The following APC variants were observed in gnomAD, a reference collection of about 807,000 sequenced individuals.
APC encodes APC regulator of Wnt signaling pathway.
A neutral mutation model predicts 247.0 loss-of-function variants in APC; 72 were observed. The observed-to-expected ratio is 0.29, with a 90% CI of 0.24 to 0.35. APC has a LOEUF of 0.35. APC is among the 10% of genes least tolerant of loss of function. The pLI, the probability that APC is intolerant of heterozygous loss-of-function variation, is 1.00. For synonymous variants in APC, 1,254 were observed against 1,162.5 expected, an observed-to-expected ratio of 1.08 and a Z score of -1.60; for missense variants, 3,400 against 3,360.7, an observed-to-expected ratio of 1.01 and a Z score of -0.29.
rs2149629963 is a variant in APC, at chr5:112,707,641, T to C, written c.-77T>C. The C allele has an allele frequency of 1.5e-6, 2 of 1,352,054 alleles. No homozygotes were observed. Among genetic ancestry groups the C allele is most frequent in the African/African-American group, 1.4e-5 (1 of 69,360 alleles). 83.8% of individuals were successfully genotyped at this position (1,352,054 alleles called of 1,614,324 possible). On this transcript the variant is annotated 5_prime_UTR_variant, in exon 1 of 14. Coordinates refer to the APC transcript ENST00000507379. ...CTGCGGACCGAGGTTGGCTCGATGC[T>C]GTTCCCAGGTACTGTTGTTGGCTGT...
At position 112,845,862 on chromosome 5, in the gene APC, ACT is replaced by A. The variant is rs892496758; in HGVS notation, c.*1739_*1740del. ...TTATTTTTAGTGATAAGATTCATAC[ACT>A]CTGTATTTGGGGAGGGAAAACCTTT... On this transcript the variant is annotated 3_prime_UTR_variant, in exon 16 of 16. Coordinates refer to ENST00000257430, the MANE Select transcript of APC (RefSeq NM_000038.6). 2 of 232,246 alleles carry A rather than the reference ACT, an allele frequency of 8.6e-6. No homozygotes were observed. Among genetic ancestry groups the A allele is most frequent in the African/African-American group, 4.4e-5 (2 of 45,280 alleles). 14.4% of individuals were successfully genotyped at this position (232,246 alleles called of 1,614,324 possible).
At chr5:112,787,565 G>A (rs1277158269) in intron 6 of APC, among the ~76,000 whole-genome samples, 1 of 152,098 alleles carries the variant, frequency 6.6e-6, no homozygotes, top group African/African-American at 2.4e-5. Flanking sequence ...GTTGAATCTC[G>A]AAAATATTTA....
rs1554079195 is a variant in APC, at chr5:112,815,553, A to G, written c.893A>G (p.His298Arg). The G allele has an allele frequency of 6.2e-7, 1 of 1,612,396 alleles. No individual in the cohort carries two copies. The highest frequency in any genetic ancestry group is 1.7e-5 in the Admixed American group (1 of 59,954). Residue 298 changes from histidine to arginine, a missense_variant, in exon 9 of 16, where the codon CAC becomes CGC. His to Arg is a conservative substitution (Grantham distance 29). Coordinates refer to ENST00000257430, the MANE Select transcript of APC (RefSeq NM_000038.6). ...TASVLSSSST[H>R]SAPRRLTSHL... ...AGTGTTTTGAGTTCTAGTAGCACAC[A>G]CTCTGCACCTCGAAGGCTGACAAGT...
At chr5:112,722,683 C>G (rs1052782475) in intron 1 of APC, among the ~76,000 whole-genome samples, 1 of 152,092 alleles carries the variant, frequency 6.6e-6, no homozygotes, top group African/African-American at 2.4e-5. Context: ...CAGGGAAACA[C>G]TTGCTTATAT....
At chr5:112,779,139 T>G (rs534105445) in intron 5 of APC, among the ~76,000 whole-genome samples, 1 of 152,324 alleles carries the variant, frequency 6.6e-6, no homozygotes, top group South Asian at 2.1e-4. Flanking sequence ...CACTTAACAG[T>G]GCTCCTGGGA....
At chr5:112,739,625 G>A (rs1038343488) in intron 1 of APC, among the ~76,000 whole-genome samples, 12 of 152,240 alleles carry the variant, frequency 7.9e-5, no homozygotes, top group Non-Finnish European at 1.5e-4. Flanking sequence ...ACAGGAGGCT[G>A]AGGGAAGCTG....
chr5:112,838,424 A>C lies in APC; in HGVS notation c.2830A>C (p.Asn944His), dbSNP rs749720558. ...TYNFTKSENS[N>H]RTCSMPYAKL... is the part of the protein sequence containing the mutation. ...CAATTTCACTAAGTCGGAAAATTCA[A>C]ATAGGACATGTTCTATGCCTTATGC... The change falls in exon 16 of 16, where the codon AAT becomes CAT. Residue 944 changes from asparagine (N) to histidine (H), a missense_variant. Transcript: ENST00000257430. 6.2e-7 allele frequency: 1 copy of C among 1,614,246 alleles called. No homozygotes were observed. The highest frequency in any genetic ancestry group is 8.5e-7 in the Non-Finnish European group (1 of 1,180,046).
In APC at chr5:112,839,307, G is replaced by C. The variant is rs1353003758; in HGVS notation, c.3713G>C (p.Ser1238Thr). ...CAGCTCCATCCAAGTTCTGCACAGA[G>C]TAGAAGTGGTCAGCCTCAAAAGGCT... ...QNQLHPSSAQ[S>T]RSGQPQKAAT... Residue 1238 changes from serine (S) to threonine (T), a missense_variant, in exon 16 of 16, where the codon AGT (serine) becomes ACT (threonine). Ser to Thr is a moderately conservative substitution (Grantham distance 58). Coordinates refer to ENST00000257430, the MANE Select transcript of APC (RefSeq NM_000038.6). This position sits in a 1 kb window ranked among gnomAD's most constrained non-coding sequence, Gnocchi z 5.0. 1 of 1,614,050 alleles carries C rather than the reference G, an allele frequency of 6.2e-7. No individual in the cohort carries two copies. Among genetic ancestry groups the C allele is most frequent in the Non-Finnish European group, 8.5e-7 (1 of 1,179,962 alleles).
Position 112,707,578 on chromosome 5 carries a change from C to G in APC, c.-140C>G, listed in dbSNP as rs775297664. The stretch of plus-strand genomic sequence containing the variant: ...GGGGTGTGGCCGCCGGAAGCCTAGC[C>G]GCTGCTCGGGGGGGACCTGCGGGCT... On this transcript the variant is annotated 5_prime_UTR_variant, in exon 1 of 14. Coordinates refer to the APC transcript ENST00000507379. 92 of 892,224 alleles carry G rather than the reference C, an allele frequency of 1.0e-4. No individual in the cohort carries two copies. The highest frequency in any genetic ancestry group is 1.3e-4 in the Non-Finnish European group (85 of 630,232). 55.3% of individuals were successfully genotyped at this position (892,224 alleles called of 1,614,324 possible). A position where few individuals can be genotyped will look rare whatever the true frequency, so the allele number is the denominator to read the frequency against.
chr5:112,829,437 A>G (rs1195008138), intron 14 of APC: 1 of 170,144 alleles, frequency 5.9e-6, no homozygotes, highest in Non-Finnish European at 1.3e-5. Context: ...CGCCCAGCCT[A>G]GATTCCCTAA....
At chr5:112,736,492 G>C (rs760925565), upstream of APC, among the ~76,000 whole-genome samples, 1 of 152,158 alleles carries the variant, frequency 6.6e-6, no homozygotes, top group Non-Finnish European at 1.5e-5. Flanking sequence ...ATTTTGTTGT[G>C]TGTCTATTGC....
chr5:112,707,908 TCTC>T (rs1440213031), intron 1 of APC: 1 of 1,347,570 alleles, frequency 7.4e-7, no homozygotes, highest in Admixed American at 2.3e-5. Flanking sequence ...GGCATTGACG[TCTC>T]CTCCCGGCAA....
Position 112,827,182 on chromosome 5 carries a change from A to G in APC, c.1483A>G (p.Ile495Val), listed in dbSNP as rs372047677. The G allele has an allele frequency of 5.6e-6, 9 of 1,613,832 alleles. No homozygotes were observed. The highest frequency in any genetic ancestry group is 5.5e-5 in the South Asian group (5 of 91,088). Reference protein sequence around the residue: ...MYGLTNDHYSITLRRYAGMAL... With the variant: ...MYGLTNDHYSVTLRRYAGMAL... ...TGGGCTTACTAATGACCACTACAGT[A>G]TTACACTAAGACGATATGCTGGAAT... is the stretch of plus-strand genomic sequence containing the variant. Residue 495 changes from isoleucine (I) to valine (V), a missense_variant, in exon 12 of 16, where the codon ATT becomes GTT. Transcript: ENST00000257430.
chr5:112,821,178 T>G (rs891697284), intron 10 of APC, among the ~76,000 whole-genome samples: 1 of 151,886 alleles, frequency 6.6e-6, no homozygotes, highest in African/African-American at 2.4e-5. Flanking sequence ...ACCATGTGCT[T>G]TTAACCCACA....
intron 10 of APC, among the ~76,000 whole-genome samples, chr5:112,820,790 A>C (rs1561544457): frequency 6.6e-6 from 1 of 152,182 alleles, no homozygotes; most frequent in African/African-American, 2.4e-5. Flanking sequence ...TTTAAAAAAT[A>C]TCTGTTTACT....
chr5:112,740,524 C>CTTTTT (rs11286305), intron 1 of APC, among the ~76,000 whole-genome samples: 10 of 99,134 alleles, frequency 1.0e-4, no homozygotes, highest in East Asian at 3.2e-4. Flanking sequence ...GTTTTTTTTT[C>CTTTTT]TTTTTTTTTT....
At chr5:112,714,296 A>G (rs1354103846) in intron 1 of APC, among the ~76,000 whole-genome samples, 1 of 152,238 alleles carries the variant, frequency 6.6e-6, no homozygotes, top group African/African-American at 2.4e-5. Context: ...GGTCCCACAA[A>G]ACAGAATTGT....
rs1033539604 is a variant in APC at position 112,707,924 on chromosome 5, C to G, written c.165+42C>G. ...GCATTGACGTCTCCTCCCGGCAAAG[C>G]TTCCTCGGCTTTGCCCCGCCGCTGC... On this transcript the variant is annotated intron_variant, in intron 1 of 13. Transcript: ENST00000507379. 3.8e-6 allele frequency: 5 copies of G among 1,318,864 alleles called. No homozygotes were observed. The African/African-American group carries it at 7.3e-5, about 19-fold the overall frequency. 81.7% of individuals were successfully genotyped at this position (1,318,864 alleles called of 1,614,324 possible). A position where few individuals can be genotyped will look rare whatever the true frequency, so the allele number is the denominator to read the frequency against.
chr5:112,713,228 G>A (rs1325498422), intron 1 of APC, among the ~76,000 whole-genome samples: 1 of 151,060 alleles, frequency 6.6e-6, no homozygotes, highest in East Asian at 1.9e-4. Flanking sequence ...AGTATTCCAT[G>A]GTTAGTTTAG....
Sources: allele counts gnomAD v4.1 joint callset (sites outside exome capture counted in the v4.1 genomes callset), GRCh38; gene constraint gnomAD v4.1.1; non-coding constraint Gnocchi (gnomAD v3.1); transcripts MANE v1.5; gene names NCBI Gene and HGNC (gene_info 2026-07-23, HGNC 2026-07-21).